DPYSL2: variants seen among roughly 807,000 people sequenced by gnomAD.
The protein encoded by DPYSL2 is dihydropyrimidinase-related protein 2.
A neutral mutation model predicts 69.9 loss-of-function variants in DPYSL2; 13 were observed. That is an observed-to-expected ratio of 0.19 (90% CI 0.12 to 0.30). The LOEUF is 0.30. DPYSL2 is among the 10% of genes least tolerant of loss of function. The pLI is 1.00. For missense variants in DPYSL2, 587 were observed against 918.9 expected (o/e 0.64, Z 4.67); for synonymous variants, 326 against 359.1 (o/e 0.91, Z 1.04).
Position 26,588,873 on chromosome 8 carries a change from G to C in DPYSL2, c.628+4890G>C, listed in dbSNP as rs1005306146. On this transcript the variant is annotated intron_variant, in intron 3 of 13. Coordinates refer to ENST00000521913, the MANE Select transcript of DPYSL2 (RefSeq NM_001197293.3). The surrounding 1 kb of genome is among the most constrained non-coding windows in gnomAD (Gnocchi z 5.4). ...GTCATCCTAGCATCTTCATGTCCTC[G>C]TGCTGCCTTGAGTTGCTTTCATCTC... Among the ~76,000 whole-genome samples, 3 of 152,138 alleles carry C rather than the reference G, an allele frequency of 2.0e-5. No homozygotes were observed. The highest frequency in any genetic ancestry group is 4.8e-5 in the African/African-American group (2 of 41,432).
At chr8:26,604,261 G>A (rs1248542449) in intron 3 of DPYSL2, among the ~76,000 whole-genome samples, 1 of 152,198 alleles carries the variant, frequency 6.6e-6, no homozygotes, top group East Asian at 1.9e-4. Context: ...CTTAAATGGA[G>A]GTCCTTTTTG....
intron 1 of DPYSL2, chr8:26,578,452 G>A (rs1242885070): frequency 3.4e-6 from 5 of 1,486,998 alleles, no homozygotes; most frequent in African/African-American, 1.4e-5. Flanking sequence ...GGTGGTTGTG[G>A]GAGATGCAGT....
chr8:26,582,798 A>G lies in DPYSL2; in HGVS notation c.443+741A>G, dbSNP rs960009228. 6.6e-6 allele frequency among the ~76,000 whole-genome samples: 1 copy of G among 152,204 alleles called. No homozygotes were observed. Among genetic ancestry groups the G allele is most frequent in the African/African-American group, 2.4e-5 (1 of 41,452 alleles). The stretch of plus-strand genomic sequence containing the variant: ...AACACTGCAGCCAGTGACAGCTTTT[A>G]AATAAGCAGCATTCATCAAGGGATA... On this transcript the variant is annotated intron_variant, in intron 2 of 13. Transcript: ENST00000521913. This position sits in a 1 kb window ranked among gnomAD's most constrained non-coding sequence, Gnocchi z 4.1.
At chr8:26,645,073 A>G (rs757194069) in intron 10 of DPYSL2, among the ~76,000 whole-genome samples, 16 of 152,238 alleles carry the variant, frequency 1.1e-4, no homozygotes, top group Non-Finnish European at 1.9e-4. Flanking sequence ...ACACATGTAT[A>G]TGTGACATGC....
At chr8:26,522,821 T>C (rs1002951561) in intron 1 of DPYSL2, among the ~76,000 whole-genome samples, 2 of 152,238 alleles carry the variant, frequency 1.3e-5, no homozygotes, top group South Asian at 4.1e-4. Context: ...TTTGATGGTA[T>C]GCAAAAGTTT....
rs1182585041 is a variant in DPYSL2, at chr8:26,585,025, CACT to C, written c.628+1043_628+1045del. ...GTGAACTGCTAGATTCCAGCATGCC[CACT>C]GATTGTCCTTTTGAAAAATGTCATT... is the stretch of plus-strand genomic sequence containing the variant. On this transcript the variant is annotated intron_variant, in intron 3 of 13. Transcript: ENST00000521913. This position sits in a 1 kb window ranked among gnomAD's most constrained non-coding sequence, Gnocchi z 4.0. Among the ~76,000 whole-genome samples the C allele has an allele frequency of 6.6e-6, 1 of 152,138 alleles. No individual in the cohort carries two copies. Among genetic ancestry groups the C allele is most frequent in the African/African-American group, 2.4e-5 (1 of 41,428 alleles).
chr8:26,528,375 G>A (rs1206917422), intron 1 of DPYSL2, among the ~76,000 whole-genome samples: 3 of 152,254 alleles, frequency 2.0e-5, no homozygotes, highest in Non-Finnish European at 2.9e-5. Flanking sequence ...TGGGCCGGGC[G>A]CGGTGGCTCA....
rs1229767201 is a variant in DPYSL2, at chr8:26,577,085, G to C, written c.355-4884G>C. On this transcript the variant is annotated intron_variant, in intron 1 of 13. Coordinates refer to ENST00000521913, the MANE Select transcript of DPYSL2 (RefSeq NM_001197293.3). ...GCACAAAAGGATGTTTCAGGGCGGG[G>C]TTTCCCATACCCCGCAGCCTTCCCC... 4 of 434,778 alleles carry C rather than the reference G, an allele frequency of 9.2e-6. No individual in the cohort carries two copies. The East Asian group carries it at 3.8e-4, about 41-fold the overall frequency. 26.9% of individuals were successfully genotyped at this position (434,778 alleles called of 1,614,324 possible).
chr8:26,647,830 C>T lies in DPYSL2; in HGVS notation c.1596+30C>T. 2 of 1,576,068 alleles carry T rather than the reference C, an allele frequency of 1.3e-6. No homozygotes were observed. Among genetic ancestry groups the T allele is most frequent in the Non-Finnish European group, 1.7e-6 (2 of 1,160,082 alleles). ...GACCTGTTAACTGTGCAGACCCCAT[C>T]CAAACGAATTACAGTCACAGAGACA... On this transcript the variant is annotated intron_variant, in intron 11 of 13. Coordinates refer to ENST00000521913, the MANE Select transcript of DPYSL2 (RefSeq NM_001197293.3). This position sits in a 1 kb window ranked among gnomAD's most constrained non-coding sequence, Gnocchi z 5.1.
At chr8:26,569,894 A>C (rs1801210959) in intron 1 of DPYSL2, among the ~76,000 whole-genome samples, 1 of 152,104 alleles carries the variant, frequency 6.6e-6, no homozygotes, top group Non-Finnish European at 1.5e-5. Flanking sequence ...ACACAGGATG[A>C]AGCTGGAAAG....
chr8:26,525,291 G>T (rs1022569539), intron 1 of DPYSL2, among the ~76,000 whole-genome samples: 1 of 152,050 alleles, frequency 6.6e-6, no homozygotes, highest in Non-Finnish European at 1.5e-5. Flanking sequence ...ATCATCATAA[G>T]TTCACTGCAG....
intron 1 of DPYSL2, among the ~76,000 whole-genome samples, chr8:26,520,027 G>A (rs925653085): frequency 2.6e-5 from 4 of 152,180 alleles, no homozygotes; most frequent in Non-Finnish European, 4.4e-5. Flanking sequence ...TGTTGTGGGA[G>A]GGACCTGGAG....
At position 26,586,679 on chromosome 8, in the gene DPYSL2, C is replaced by T. The variant is rs1465227264; in HGVS notation, c.628+2696C>T. Among the ~76,000 whole-genome samples, 5 of 152,130 alleles carry T rather than the reference C, an allele frequency of 3.3e-5. No homozygotes were observed. The highest frequency in any genetic ancestry group is 6.5e-5 in the Admixed American group (1 of 15,272). On this transcript the variant is annotated intron_variant, in intron 3 of 13. Coordinates refer to ENST00000521913, the MANE Select transcript of DPYSL2 (RefSeq NM_001197293.3). The surrounding 1 kb of genome is among the most constrained non-coding windows in gnomAD (Gnocchi z 4.7). The stretch of plus-strand genomic sequence containing the variant: ...CAGATGGGTTCCTTCTGTTTAGGGA[C>T]GAGGGACATCCCCCTCTGAGTGCAG...
intron 1 of DPYSL2, among the ~76,000 whole-genome samples, chr8:26,566,803 TG>T (rs1234857111): frequency 6.6e-6 from 1 of 152,172 alleles, no homozygotes; most frequent in East Asian, 1.9e-4. Context: ...TATTTTATAA[TG>T]GGGACATTTG....
At chr8:26,590,123 G>T (rs913825266) in intron 3 of DPYSL2, among the ~76,000 whole-genome samples, 7 of 152,198 alleles carry the variant, frequency 4.6e-5, no homozygotes, top group Non-Finnish European at 1.0e-4. Flanking sequence ...TTGATACTTT[G>T]ATTATTCCCT....
Position 26,578,410 on chromosome 8 carries a change from C to G in DPYSL2, c.355-3559C>G, listed in dbSNP as rs1447304712. The G allele has an allele frequency of 5.1e-6, 8 of 1,566,172 alleles. No individual in the cohort carries two copies. In the African/African-American group the frequency reaches 1.1e-4, roughly 22 times the overall value. On this transcript the variant is annotated intron_variant, in intron 1 of 13. Coordinates refer to ENST00000521913, the MANE Select transcript of DPYSL2 (RefSeq NM_001197293.3). ...AGGGACCGAACTTTTTTTTTCCTTTCTGTTGCTAACGGAGGCGATGGTGAT... is the reference window on the plus strand; with the variant it reads ...AGGGACCGAACTTTTTTTTTCCTTTGTGTTGCTAACGGAGGCGATGGTGAT...
In DPYSL2 at chr8:26,644,151, G is replaced by A. The variant is rs964496490; in HGVS notation, c.1425+60G>A. On this transcript the variant is annotated intron_variant, in intron 10 of 13. Transcript: ENST00000521913. This position sits in a 1 kb window ranked among gnomAD's most constrained non-coding sequence, Gnocchi z 4.5. ...CAGCCTTCCTTGTCCTCCTCATCTG[G>A]GGGCCATGGGGCTCATGGAGGCCTT... The A allele has an allele frequency of 1.8e-5, 28 of 1,574,586 alleles. No individual in the cohort carries two copies. The highest frequency in any genetic ancestry group is 2.1e-5 in the Non-Finnish European group (24 of 1,158,762).
intron 10 of DPYSL2, among the ~76,000 whole-genome samples, chr8:26,646,207 T>C (rs865951583): frequency 2.6e-5 from 1 of 38,880 alleles, no homozygotes; most frequent in East Asian, 3.0e-3. Context: ...GTTTCTGGTT[T>C]TTTTTTTTTT....
chr8:26,576,947 G>C (rs916196158), intron 1 of DPYSL2: 1 of 290,354 alleles, frequency 3.4e-6, no homozygotes, highest in African/African-American at 2.4e-5. Context: ...AGGGAGCCGA[G>C]GTGGGCGTGA....
Sources: allele counts gnomAD v4.1 joint callset (sites outside exome capture counted in the v4.1 genomes callset), GRCh38; gene constraint gnomAD v4.1.1; non-coding constraint Gnocchi (gnomAD v3.1); transcripts MANE v1.5; gene names NCBI Gene and HGNC (gene_info 2026-07-23, HGNC 2026-07-21).